Variants in PHACTR2 observed in about 807,000 individuals in gnomAD.
The protein encoded by PHACTR2 is phosphatase and actin regulator 2.
A neutral mutation model predicts 76.0 loss-of-function variants in PHACTR2; 30 were observed. The ratio of observed to expected loss-of-function variants is 0.39; its 90% CI spans 0.30 to 0.54. The LOEUF (loss-of-function observed/expected upper bound fraction) is 0.54, where lower values mean the gene tolerates loss of function less well. PHACTR2 is among the 20% of genes least tolerant of loss of function. The probability of loss-of-function intolerance (pLI) is 0.61; values close to 1 mark genes in which losing one functional copy is unlikely to be tolerated. For synonymous variants in PHACTR2, 292 were observed against 292.5 expected, an observed-to-expected ratio of 1.00 and a Z score of 0.02; for missense variants, 696 against 781.1, an observed-to-expected ratio of 0.89 and a Z score of 1.30.
upstream of PHACTR2, among the ~76,000 whole-genome samples, chr6:143,675,673 T>C (rs1028335140): frequency 2.0e-5 from 3 of 152,190 alleles, no homozygotes; most frequent in Non-Finnish European, 2.9e-5. The surrounding 1 kb of genome is among the most constrained non-coding windows in gnomAD (Gnocchi z 4.9). Context: ...GATAGCTTCC[T>C]CAGAGTTAGG....
chr6:143,608,239 G>T lies in PHACTR2; in HGVS notation c.-71G>T. 1 of 1,528,384 alleles carries T rather than the reference G, an allele frequency of 6.5e-7. No homozygotes were observed. The highest frequency in any genetic ancestry group is 9.1e-7 in the Non-Finnish European group (1 of 1,103,160). 94.7% of individuals were successfully genotyped at this position (1,528,384 alleles called of 1,614,324 possible). A position where few individuals can be genotyped will look rare whatever the true frequency, so the allele number is the denominator to read the frequency against. The stretch of plus-strand genomic sequence containing the variant: ...CTGATAATCAGCAGAAGGACAGGGT[G>T]CTTCGTTAGTCAGAAGAGCCAGGGC... On this transcript the variant is annotated 5_prime_UTR_variant, in exon 1 of 12. Coordinates refer to the PHACTR2 transcript ENST00000305766. This position sits in a 1 kb window ranked among gnomAD's most constrained non-coding sequence, Gnocchi z 4.6.
At position 143,753,524 on chromosome 6, in the gene PHACTR2, A is replaced by G. The variant is rs1562293838; in HGVS notation, c.296-230A>G. ...GGGATATTGGATAATTAGGATGATC[A>G]TTCCTGTTGTCTTGAAATGGCGCAT... On this transcript the variant is annotated intron_variant, in intron 3 of 12. Coordinates refer to ENST00000440869, the MANE Select transcript of PHACTR2 (RefSeq NM_001100164.2). The surrounding 1 kb of genome is among the most constrained non-coding windows in gnomAD (Gnocchi z 4.6). Among the ~76,000 whole-genome samples, 1 of 152,184 alleles carries G rather than the reference A, an allele frequency of 6.6e-6. No individual in the cohort carries two copies. The highest frequency in any genetic ancestry group is 1.5e-5 in the Non-Finnish European group (1 of 68,020).
At chr6:143,729,451 A>G (rs1778653872) in intron 2 of PHACTR2, among the ~76,000 whole-genome samples, 1 of 152,022 alleles carries the variant, frequency 6.6e-6, no homozygotes, top group African/African-American at 2.4e-5. Context: ...TTTCTTCTAA[A>G]TGTTTTTATA....
At chr6:143,572,026 A>T (rs1034000842) in intron 1 of PHACTR2, among the ~76,000 whole-genome samples, 4 of 152,078 alleles carry the variant, frequency 2.6e-5, no homozygotes, top group Non-Finnish European at 5.9e-5. Flanking sequence ...TTTGATACAT[A>T]TGCTAAAAAA....
At position 143,671,984 on chromosome 6, in the gene PHACTR2, A is replaced by G. The variant is rs1582755971; in HGVS notation, c.14-40032A>G. Reference sequence around the variant, plus strand: ...GCCAGATTAAAAAAAACTGTACATAATATTATTCCATTTGTAAGAAATTTT... The same window carrying G: ...GCCAGATTAAAAAAAACTGTACATAGTATTATTCCATTTGTAAGAAATTTT... On this transcript the variant is annotated intron_variant, in intron 1 of 11. Coordinates refer to the PHACTR2 transcript ENST00000305766. This position sits in a 1 kb window ranked among gnomAD's most constrained non-coding sequence, Gnocchi z 4.6. Among the ~76,000 whole-genome samples, 1 of 152,158 alleles carries G rather than the reference A, an allele frequency of 6.6e-6. No individual in the cohort carries two copies. The highest frequency in any genetic ancestry group is 1.5e-5 in the Non-Finnish European group (1 of 68,026).
At chr6:143,601,097 A>G (rs1305273767) in intron 1 of PHACTR2, among the ~76,000 whole-genome samples, 1 of 152,202 alleles carries the variant, frequency 6.6e-6, no homozygotes, top group African/African-American at 2.4e-5. Context: ...TCTTGCTGTT[A>G]TGTTTTAATG....
At chr6:143,575,086 A>G (rs982068608) in intron 1 of PHACTR2, among the ~76,000 whole-genome samples, 1 of 151,770 alleles carries the variant, frequency 6.6e-6, no homozygotes, top group Non-Finnish European at 1.5e-5. Context: ...AAAAATAGGC[A>G]AATAAATAAT....
At position 143,546,910 on chromosome 6, in the gene PHACTR2, AC is replaced by A. The variant is rs1775009711; in HGVS notation, c.217+9705del. On this transcript the variant is annotated intron_variant, in intron 1 of 11. Transcript: ENST00000367584. The surrounding 1 kb of genome is among the most constrained non-coding windows in gnomAD (Gnocchi z 4.9). ...AAATTAGCCAGGTGAACTGGTGCGCACCTGTAGTCCTTGCTACTCAGGAGGC... is the reference window on the plus strand; with the variant it reads ...AAATTAGCCAGGTGAACTGGTGCGCACTGTAGTCCTTGCTACTCAGGAGGC... Among the ~76,000 whole-genome samples, 1 of 151,818 alleles carries A rather than the reference AC, an allele frequency of 6.6e-6. No individual in the cohort carries two copies. The highest frequency in any genetic ancestry group is 2.4e-5 in the African/African-American group (1 of 41,332).
chr6:143,580,947 G>A lies in PHACTR2; in HGVS notation c.217+43740G>A, dbSNP rs1164471063. On this transcript the variant is annotated intron_variant, in intron 1 of 11. Transcript: ENST00000367584. This position sits in a 1 kb window ranked among gnomAD's most constrained non-coding sequence, Gnocchi z 4.2. ...CACCAGGTGTTGAAATTACAGAAGG[G>A]ACCATTTCTGGCAACACAGCAGACC... 2.0e-5 allele frequency among the ~76,000 whole-genome samples: 3 copies of A among 152,160 alleles called. No homozygotes were observed. The East Asian group carries it at 5.8e-4, about 29-fold the overall frequency.
In PHACTR2 at chr6:143,791,373, C is replaced by G. The variant is rs1304718054; in HGVS notation, c.1845+2463C>G. Among the ~76,000 whole-genome samples the G allele has an allele frequency of 2.0e-5, 3 of 152,194 alleles. No homozygotes were observed. The highest frequency in any genetic ancestry group is 1.9e-4 in the East Asian group (1 of 5,196). ...CAAGCACTGAAGGTTAGAAATGACT[C>G]TGTGTGTCAGTGATTTGCAACCTTG... On this transcript the variant is annotated intron_variant, in intron 11 of 12. Transcript: ENST00000440869. The surrounding 1 kb of genome is among the most constrained non-coding windows in gnomAD (Gnocchi z 4.7).
At chr6:143,790,604 A>G (rs1019794774) in intron 11 of PHACTR2, among the ~76,000 whole-genome samples, 5 of 151,272 alleles carry the variant, frequency 3.3e-5, no homozygotes, top group African/African-American at 1.2e-4. Flanking sequence ...TGGGTTGTCA[A>G]TTTTTTCTGA....
At position 143,751,147 on chromosome 6, in the gene PHACTR2, G is replaced by A. The variant is rs200152595; in HGVS notation, c.295+2082G>A. Among the ~76,000 whole-genome samples the A allele has an allele frequency of 3.3e-5, 5 of 152,098 alleles. No individual in the cohort carries two copies. Among genetic ancestry groups the A allele is most frequent in the African/African-American group, 1.2e-4 (5 of 41,396 alleles). ...TTTGCCTTGATCTTCTTGACCTTGC[G>A]TCTGCTCTTGACAGTGCCTGTCCAT... On this transcript the variant is annotated intron_variant, in intron 3 of 12. Coordinates refer to ENST00000440869, the MANE Select transcript of PHACTR2 (RefSeq NM_001100164.2). This position sits in a 1 kb window ranked among gnomAD's most constrained non-coding sequence, Gnocchi z 5.7.
intron 1 of PHACTR2, among the ~76,000 whole-genome samples, chr6:143,572,024 A>C (rs1178215965): frequency 6.6e-6 from 1 of 152,102 alleles, no homozygotes; most frequent in Non-Finnish European, 1.5e-5. Context: ...ATTTTGATAC[A>C]TATGCTAAAA....
intron 1 of PHACTR2, among the ~76,000 whole-genome samples, chr6:143,666,831 T>C (rs892024981): frequency 2.6e-5 from 4 of 152,362 alleles, no homozygotes. Flanking sequence ...GTAGGTTGCC[T>C]GTTCACTCTG....
Position 143,695,587 on chromosome 6 carries a change from T to C in PHACTR2, c.47-16429T>C, listed in dbSNP as rs999856876. 1.3e-5 allele frequency among the ~76,000 whole-genome samples: 2 copies of C among 152,194 alleles called. No individual in the cohort carries two copies. Among genetic ancestry groups the C allele is most frequent in the African/African-American group, 4.8e-5 (2 of 41,444 alleles). ...ACTGCAGTCCTAGAGGCAAAGGGAATGAGCATAAGGTTCCTGCTAGATCTT... is the reference window on the plus strand; with the variant it reads ...ACTGCAGTCCTAGAGGCAAAGGGAACGAGCATAAGGTTCCTGCTAGATCTT... On this transcript the variant is annotated intron_variant, in intron 1 of 12. Transcript: ENST00000440869. The surrounding 1 kb of genome is among the most constrained non-coding windows in gnomAD (Gnocchi z 4.4).
intron 2 of PHACTR2, among the ~76,000 whole-genome samples, chr6:143,747,878 A>G (rs1292059419): frequency 2.0e-5 from 3 of 152,182 alleles, no homozygotes; most frequent in African/African-American, 7.2e-5. Context: ...TGGACTTTGC[A>G]GTTGCATGGA....
At position 143,539,598 on chromosome 6, in the gene PHACTR2, G is replaced by A. The variant is rs535937449; in HGVS notation, c.217+2391G>A. ...ACACGCCTTGTAAAAACATTCCTTG[G>A]CCTAACACTATAGTAGCCCAATTTC... On this transcript the variant is annotated intron_variant, in intron 1 of 11. Coordinates refer to the PHACTR2 transcript ENST00000367584. The surrounding 1 kb of genome is among the most constrained non-coding windows in gnomAD (Gnocchi z 4.3). Among the ~76,000 whole-genome samples, 13 of 152,174 alleles carry A rather than the reference G, an allele frequency of 8.5e-5. No individual in the cohort carries two copies. The highest frequency in any genetic ancestry group is 5.8e-4 in the East Asian group (3 of 5,180).
chr6:143,595,397 T>C lies in PHACTR2; in HGVS notation c.217+58190T>C, dbSNP rs1775737526. ...CACATTTACTTGGCTCCGGGGGAGT[T>C]TTTCAATCCTGTTGAAGCACAGCAG... On this transcript the variant is annotated intron_variant, in intron 1 of 11. Coordinates refer to the PHACTR2 transcript ENST00000367584. This position sits in a 1 kb window ranked among gnomAD's most constrained non-coding sequence, Gnocchi z 4.2. Among the ~76,000 whole-genome samples, 1 of 151,954 alleles carries C rather than the reference T, an allele frequency of 6.6e-6. No individual in the cohort carries two copies. The highest frequency in any genetic ancestry group is 1.5e-5 in the Non-Finnish European group (1 of 67,980).
chr6:143,790,190 G>A (rs768959515), intron 11 of PHACTR2, among the ~76,000 whole-genome samples: 12 of 152,174 alleles, frequency 7.9e-5, no homozygotes, highest in Admixed American at 2.6e-4. Flanking sequence ...TTCAACGTAT[G>A]GCTGGTGATT....
Sources: allele counts gnomAD v4.1 joint callset (sites outside exome capture counted in the v4.1 genomes callset), GRCh38; gene constraint gnomAD v4.1.1; non-coding constraint Gnocchi (gnomAD v3.1); transcripts MANE v1.5; gene names NCBI Gene and HGNC (gene_info 2026-07-23, HGNC 2026-07-21).